The following LRRK1 variants were observed in gnomAD, a reference collection of about 807,000 sequenced individuals.
LRRK1 encodes the protein leucine-rich repeat serine/threonine-protein kinase 1.
In LRRK1, 113 loss-of-function variants were observed where a neutral mutation model predicts 209.1. The ratio of observed to expected loss-of-function variants is 0.54; its 90% CI spans 0.46 to 0.63. The LOEUF (loss-of-function observed/expected upper bound fraction) is 0.63. Among genes scored for constraint, LRRK1 ranks in the 30% least tolerant of loss-of-function variants. The pLI is 0.00. For synonymous variants in LRRK1, 1,144 were observed against 1,099.7 expected (o/e 1.04, Z -0.80); for missense variants, 2,284 against 2,632.2 (o/e 0.87, Z 2.89).
At chr15:100,996,627 G>A (rs1006849136) in intron 6 of LRRK1, among the ~76,000 whole-genome samples, 3 of 152,216 alleles carry the variant, frequency 2.0e-5, no homozygotes, top group African/African-American at 7.2e-5. Context: ...CTGTGGAATA[G>A]GAGACAAATG....
At chr15:101,061,099 C>A (rs2036147784) in intron 29 of LRRK1, 72 bp from the exon 30 acceptor site, 9 of 1,156,648 alleles carry the variant, frequency 7.8e-6, no homozygotes, top group African/African-American at 1.5e-5. Context: ...TCGCAGCTGG[C>A]AGGCCAGGCT....
chr15:101,025,670 C>A (rs887516808), intron 16 of LRRK1, among the ~76,000 whole-genome samples: 1 of 152,210 alleles, frequency 6.6e-6, no homozygotes, highest in African/African-American at 2.4e-5. Context: ...ATCAGCTCCT[C>A]TGTGAACTGA....
chr15:100,940,654 A>G (rs2042384416), intron 2 of LRRK1, among the ~76,000 whole-genome samples: 1 of 152,170 alleles, frequency 6.6e-6, no homozygotes, highest in Admixed American at 6.5e-5. Flanking sequence ...GACATCAGTA[A>G]TATTTATTCT....
At chr15:100,935,393 G>T (rs145064498) in intron 2 of LRRK1, among the ~76,000 whole-genome samples, 4 of 152,216 alleles carry the variant, frequency 2.6e-5, no homozygotes, top group Non-Finnish European at 5.9e-5. Flanking sequence ...GAGTGCAAAG[G>T]CTGGGCAGCG....
At chr15:100,936,415 G>A (rs4072998) in intron 2 of LRRK1, among the ~76,000 whole-genome samples, 1,985 of 152,248 alleles carry the variant, frequency 0.013, 42 homozygotes, top group African/African-American at 0.046. Flanking sequence ...CATCTATTGC[G>A]CAGGGGTTGG....
In LRRK1 at chr15:101,024,187, C is replaced by T. The variant is rs914774758; in HGVS notation, c.2068-616C>T. Among the ~76,000 whole-genome samples the T allele has an allele frequency of 6.6e-6, 1 of 152,246 alleles. No homozygotes were observed. Among genetic ancestry groups the T allele is most frequent in the Non-Finnish European group, 1.5e-5 (1 of 68,046 alleles). Reference sequence around the variant, plus strand: ...CTTTATACAAAACCAGGTCAGCACACTGTGTCTTGGAGGCTGATGCTGCCT... The same window carrying T: ...CTTTATACAAAACCAGGTCAGCACATTGTGTCTTGGAGGCTGATGCTGCCT... On this transcript the variant is annotated intron_variant, in intron 15 of 33. Coordinates refer to ENST00000388948, the MANE Select transcript of LRRK1 (RefSeq NM_024652.6). The surrounding 1 kb of genome is among the most constrained non-coding windows in gnomAD (Gnocchi z 4.6).
At chr15:101,008,693 G>A (rs1326562399) in intron 6 of LRRK1, 144 bp from the exon 7 acceptor site, 6 of 655,846 alleles carry the variant, frequency 9.1e-6, no homozygotes, top group Non-Finnish European at 8.0e-6. Flanking sequence ...GCCGGCGGCC[G>A]AGAAGGACAT....
At chr15:100,974,417 G>A (rs2031170842) in intron 3 of LRRK1, among the ~76,000 whole-genome samples, 1 of 143,644 alleles carries the variant, frequency 7.0e-6, no homozygotes, top group Non-Finnish European at 1.5e-5. Context: ...CTTCCAGCCT[G>A]CCGATCTGAG....
At chr15:101,040,422 C>T (rs943405819) in intron 20 of LRRK1, among the ~76,000 whole-genome samples, 1 of 152,012 alleles carries the variant, frequency 6.6e-6, no homozygotes, top group African/African-American at 2.4e-5. Flanking sequence ...CTTTCTTGAT[C>T]AGTCTTGCTA....
chr15:101,037,622 C>A (rs2034544453), intron 20 of LRRK1, among the ~76,000 whole-genome samples: 1 of 152,174 alleles, frequency 6.6e-6, no homozygotes, highest in African/African-American at 2.4e-5. Flanking sequence ...TCAGTGGCAA[C>A]AGATTAGGCT....
intron 2 of LRRK1, among the ~76,000 whole-genome samples, chr15:100,971,044 A>T (rs984133579): frequency 6.6e-6 from 1 of 152,176 alleles, no homozygotes; most frequent in Non-Finnish European, 1.5e-5. Context: ...ATTTAAAAAG[A>T]AAAACAAGGC....
intron 33 of LRRK1, among the ~76,000 whole-genome samples, chr15:101,067,813 G>A (rs1467789601): frequency 6.6e-6 from 1 of 152,226 alleles, no homozygotes; most frequent in African/African-American, 2.4e-5. Flanking sequence ...GGAGGAAATG[G>A]GTGTGCAGCA....
In LRRK1 at chr15:101,028,999, G is replaced by A. The variant is rs759490902; in HGVS notation, c.2730G>A (p.Pro910=). Residue 910 remains proline, a synonymous_variant, in exon 20 of 34, where the codon CCG becomes CCA. Coordinates refer to ENST00000388948, the MANE Select transcript of LRRK1 (RefSeq NM_024652.6). ...LIETGTLLHF[P]DTSHGLRNLY... is the part of the protein sequence containing the mutation. ...AAACCGGCACCCTGCTCCATTTCCC[G>A]GACACCAGCCACGGCCTGAGGAACC... 6.2e-6 allele frequency: 10 copies of A among 1,613,966 alleles called. No homozygotes were observed. Among genetic ancestry groups the A allele is most frequent in the East Asian group, 2.2e-5 (1 of 44,888 alleles).
intron 2 of LRRK1, among the ~76,000 whole-genome samples, chr15:100,950,075 C>A (rs72765030): frequency 0.17 from 25,556 of 152,140 alleles, 2,262 homozygotes; most frequent in African/African-American, 0.19. Context: ...CTATATTTTC[C>A]GGTGACATCA....
intron 2 of LRRK1, among the ~76,000 whole-genome samples, chr15:100,929,524 G>A (rs2042171997): frequency 6.6e-6 from 1 of 152,238 alleles, no homozygotes; most frequent in Non-Finnish European, 1.5e-5. Context: ...GTTTGCTCAA[G>A]TAGGGTCTCT....
At position 101,021,968 on chromosome 15, in the gene LRRK1, C is replaced by T. The variant is rs779519112; in HGVS notation, c.1852+11C>T. On this transcript the variant is annotated intron_variant, in intron 14 of 33. Transcript: ENST00000388948. ...AAATCCAAAAAGAAGGTAGGGCTTCCGCAGCCCTGTCCCCTGCCATCACCT... is the reference window on the plus strand; with the variant it reads ...AAATCCAAAAAGAAGGTAGGGCTTCTGCAGCCCTGTCCCCTGCCATCACCT... 29 of 1,565,880 alleles carry T rather than the reference C, an allele frequency of 1.9e-5. No individual in the cohort carries two copies. The highest frequency in any genetic ancestry group is 4.5e-5 in the East Asian group (2 of 44,656).
At chr15:100,989,448 G>C in intron 6 of LRRK1, 50 bp downstream of exon 6, 1 of 1,587,792 alleles carries the variant, frequency 6.3e-7, no homozygotes, top group Non-Finnish European at 8.6e-7. Flanking sequence ...TTGTGCTGCT[G>C]TAACAGAATC....
At chr15:100,920,512 C>T (rs1269262966) in intron 1 of LRRK1, among the ~76,000 whole-genome samples, 4 of 152,334 alleles carry the variant, frequency 2.6e-5, no homozygotes, top group Middle Eastern at 3.4e-3. Context: ...GTTTTGCGGT[C>T]AGCCAAACCT....
chr15:101,052,840 G>A (rs1363952914), intron 24 of LRRK1, 82 bp from the exon 25 acceptor site: 85 of 1,481,688 alleles, frequency 5.7e-5, no homozygotes, highest in Non-Finnish European at 7.4e-5. Flanking sequence ...ATGACTCTCG[G>A]CCGTTGGGGC....
Sources: allele counts gnomAD v4.1 joint callset (sites outside exome capture counted in the v4.1 genomes callset), GRCh38; gene constraint gnomAD v4.1.1; non-coding constraint Gnocchi (gnomAD v3.1); transcripts MANE v1.5; gene names NCBI Gene and HGNC (gene_info 2026-07-23, HGNC 2026-07-21).